The following PPM1L variants were observed in gnomAD, a reference collection of about 807,000 sequenced individuals.
PPM1L encodes the protein protein phosphatase 1L.
In PPM1L, 13 loss-of-function variants were observed where a neutral mutation model predicts 31.4. The ratio of observed to expected loss-of-function variants is 0.41; its 90% CI spans 0.27 to 0.66. The LOEUF is 0.66. Ranked by LOEUF, PPM1L falls within the 30% of genes least tolerant of loss-of-function variation. The pLI, the probability that PPM1L is intolerant of heterozygous loss-of-function variation, is 0.29. For missense variants in PPM1L, 326 were observed against 453.7 expected (o/e 0.72, Z 2.56); for synonymous variants, 184 against 175.4 (o/e 1.05, Z -0.39).
chr3:160,989,804 C>T (rs1250137101), intron 2 of PPM1L, among the ~76,000 whole-genome samples: 1 of 151,280 alleles, frequency 6.6e-6, no homozygotes, highest in East Asian at 2.0e-4. Context: ...GGACTACAGG[C>T]ATACCCCACT....
At chr3:160,932,549 A>G (rs920774712) in intron 1 of PPM1L, among the ~76,000 whole-genome samples, 2 of 151,886 alleles carry the variant, frequency 1.3e-5, no homozygotes, top group African/African-American at 4.8e-5. Context: ...TAGGATGAAG[A>G]CTCCTTTAAA....
intron 2 of PPM1L, among the ~76,000 whole-genome samples, chr3:161,012,062 G>A (rs963161991): frequency 6.6e-6 from 1 of 152,186 alleles, no homozygotes; most frequent in South Asian, 2.1e-4. Context: ...ATGTTGAATA[G>A]GAGTGGTGAG....
chr3:160,762,332 C>G (rs191717534), intron 1 of PPM1L, among the ~76,000 whole-genome samples: 12 of 152,240 alleles, frequency 7.9e-5, no homozygotes, highest in Admixed American at 2.0e-4. Context: ...AACCCTCCTT[C>G]CTATGCCTGT....
chr3:160,767,500 G>A (rs551249679), intron 1 of PPM1L, among the ~76,000 whole-genome samples: 6 of 152,202 alleles, frequency 3.9e-5, no homozygotes, highest in African/African-American at 2.4e-5. Flanking sequence ...CTCCCAAAGC[G>A]CTGCAATTAC....
In PPM1L at chr3:161,069,104, A is replaced by G. The variant is rs777150768; in HGVS notation, c.1030A>G (p.Ile344Val). ...ATTTTACAGAGGCTGCCCTGACAAT[A>G]TAACAGTCATGGTGGTGAAGTTCAG... The part of the protein sequence containing the change: ...QSFYRGCPDN[I>V]TVMVVKFRNS... Residue 344 changes from isoleucine to valine, a missense_variant, in exon 4 of 4, where the codon ATA becomes GTA. Transcript: ENST00000498165. 3.7e-5 allele frequency: 60 copies of G among 1,614,090 alleles called. No homozygotes were observed. Among genetic ancestry groups the G allele is most frequent in the East Asian group, 4.5e-5 (2 of 44,896 alleles).
intron 1 of PPM1L, among the ~76,000 whole-genome samples, chr3:160,855,507 G>A (rs1280753769): frequency 1.3e-5 from 2 of 152,044 alleles, no homozygotes; most frequent in African/African-American, 4.8e-5. Context: ...AATCTGTAAG[G>A]AACTTAAATT....
chr3:160,973,764 G>GTTTTTTGTTT (rs1716436464), intron 2 of PPM1L, among the ~76,000 whole-genome samples: 1 of 88,450 alleles, frequency 1.1e-5, no homozygotes, highest in Admixed American at 1.2e-4. Context: ...GAAAGGCCCT[G>GTTTTTTGTTT]TTTTTTTTTT....
intron 1 of PPM1L, among the ~76,000 whole-genome samples, chr3:160,877,443 A>G (rs1036936552): frequency 2.0e-5 from 3 of 152,172 alleles, no homozygotes; most frequent in Non-Finnish European, 2.9e-5. Flanking sequence ...CTTTCCAGTT[A>G]TGCCCAGCTC....
rs555882769 is a variant in PPM1L at position 160,781,474 on chromosome 3, T to C, written c.399+24767T>C. 1.2e-4 allele frequency among the ~76,000 whole-genome samples: 18 copies of C among 152,318 alleles called. 1 individual carries two copies. The South Asian group carries it at 3.7e-3, about 32-fold the overall frequency. ...GAAGTCCATGGAAACCAAAAAGTTG[T>C]CCATTGTATTAAAAGAAAAGGAAAA... is the stretch of plus-strand genomic sequence containing the variant. On this transcript the variant is annotated intron_variant, in intron 1 of 3. Coordinates refer to ENST00000498165, the MANE Select transcript of PPM1L (RefSeq NM_139245.4).
Position 161,078,645 on chromosome 3 carries a change from T to G in PPM1L, c.*9488T>G, listed in dbSNP as rs1198319861. On this transcript the variant is annotated 3_prime_UTR_variant, in exon 4 of 4. Coordinates refer to ENST00000498165, the MANE Select transcript of PPM1L (RefSeq NM_139245.4). ...ATCTGTATTTGTCTCTAAGAGACAT[T>G]TGAAACACAGTTACAATGTCAATTT... The G allele has an allele frequency of 1.3e-5, 2 of 152,224 alleles. No individual in the cohort carries two copies. Among genetic ancestry groups the G allele is most frequent in the Admixed American group, 1.3e-4 (2 of 15,278 alleles). 9.4% of individuals were successfully genotyped at this position (152,224 alleles called of 1,614,324 possible). A position where few individuals can be genotyped will look rare whatever the true frequency, so the allele number is the denominator to read the frequency against.
chr3:160,776,800 C>A (rs1010151417), intron 1 of PPM1L, among the ~76,000 whole-genome samples: 1 of 151,732 alleles, frequency 6.6e-6, no homozygotes, highest in African/African-American at 2.4e-5. Context: ...AGGGTTTCAC[C>A]ATGTTGGTCA....
intron 1 of PPM1L, among the ~76,000 whole-genome samples, chr3:160,931,901 T>C (rs953972980): frequency 6.6e-6 from 1 of 152,220 alleles, no homozygotes; most frequent in African/African-American, 2.4e-5. Context: ...TAAATTTGTG[T>C]ATAATACTTT....
intron 2 of PPM1L, among the ~76,000 whole-genome samples, chr3:161,033,721 C>G (rs1297174827): frequency 1.3e-5 from 2 of 152,126 alleles, no homozygotes; most frequent in African/African-American, 4.8e-5. Flanking sequence ...CAACGTAAGA[C>G]CTAAAACCAT....
At chr3:161,022,146 T>TA (rs1718251037) in intron 2 of PPM1L, 3 of 679,386 alleles carry the variant, frequency 4.4e-6, no homozygotes, top group African/African-American at 1.8e-5. Flanking sequence ...TTTTTTTTTT[T>TA]ACCCTTAGTT....
At chr3:160,783,768 T>C (rs1479093187) in intron 1 of PPM1L, among the ~76,000 whole-genome samples, 1 of 152,194 alleles carries the variant, frequency 6.6e-6, no homozygotes, top group Non-Finnish European at 1.5e-5. Context: ...TCTATTTCTC[T>C]GTTGAATCCC....
rs559304137 is a variant in PPM1L, at chr3:160,915,265, T to C, written c.400-46471T>C. Among the ~76,000 whole-genome samples, 61 of 152,174 alleles carry C rather than the reference T, an allele frequency of 4.0e-4. No homozygotes were observed. In the East Asian group the frequency reaches 8.3e-3, roughly 21 times the overall value. Reference sequence around the variant, plus strand: ...CACGAGCATTCTTATACTCCAATAATAGACAAACAGAGAGCCAAATCATGA... The same window carrying C: ...CACGAGCATTCTTATACTCCAATAACAGACAAACAGAGAGCCAAATCATGA... On this transcript the variant is annotated intron_variant, in intron 1 of 3. Transcript: ENST00000498165.
At chr3:160,975,982 C>CCCATT (rs1363261531) in intron 2 of PPM1L, among the ~76,000 whole-genome samples, 3 of 145,928 alleles carry the variant, frequency 2.1e-5, no homozygotes, top group Non-Finnish European at 4.5e-5. Flanking sequence ...CCAGTTTTTG[C>CCCATT]CCATTCAGTA....
At chr3:160,984,338 G>A (rs578009119) in intron 2 of PPM1L, among the ~76,000 whole-genome samples, 2 of 152,240 alleles carry the variant, frequency 1.3e-5, no homozygotes, top group African/African-American at 4.8e-5. Context: ...GAGAAATATG[G>A]CTCTGTCCTG....
intron 1 of PPM1L, among the ~76,000 whole-genome samples, chr3:160,800,046 A>G (rs916810513): frequency 1.3e-5 from 2 of 152,200 alleles, no homozygotes; most frequent in Admixed American, 6.5e-5. Flanking sequence ...TGAATAAAGG[A>G]ATAGTATTTT....
Sources: gnomAD v4.1 joint callset for allele counts (sites outside exome capture counted in the v4.1 genomes callset) on GRCh38, gnomAD v4.1.1 for gene constraint, MANE v1.5 for transcripts, NCBI Gene and HGNC (gene_info 2026-07-23, HGNC 2026-07-21) for gene names.